Variants in NR3C1 observed in about 807,000 individuals in gnomAD.
The protein encoded by NR3C1 is glucocorticoid receptor.
Under a neutral mutation model 74.0 loss-of-function variants are expected in NR3C1, and 14 were observed. That is an observed-to-expected ratio of 0.19 (90% CI 0.12 to 0.30). NR3C1 has a LOEUF of 0.30. Among genes scored for constraint, NR3C1 ranks in the 10% least tolerant of loss-of-function variants. NR3C1 has a pLI of 1.00. For synonymous variants in NR3C1, 308 were observed against 332.5 expected, an observed-to-expected ratio of 0.93 and a Z score of 0.80; for missense variants, 695 against 909.8, an observed-to-expected ratio of 0.76 and a Z score of 3.04.
rs567178949 is a variant in NR3C1 at position 143,368,700 on chromosome 5, A to C, written c.1184+30956T>G. Among the ~76,000 whole-genome samples the C allele has an allele frequency of 2.6e-5, 4 of 152,318 alleles. No homozygotes were observed. The East Asian group carries it at 7.7e-4, about 29-fold the overall frequency. ...TGTTCAACATCGTTAGTCATTTGGGAGACACAAATAAAAAACACAATGAGA... is the reference window on the plus strand; with the variant it reads ...TGTTCAACATCGTTAGTCATTTGGGCGACACAAATAAAAAACACAATGAGA... On this transcript the variant is annotated intron_variant, in intron 2 of 8. Coordinates refer to ENST00000394464, the MANE Select transcript of NR3C1 (RefSeq NM_000176.3).
chr5:143,338,466 C>T (rs1323152166), intron 2 of NR3C1, among the ~76,000 whole-genome samples: 1 of 151,838 alleles, frequency 6.6e-6, no homozygotes, highest in Non-Finnish European at 1.5e-5. Context: ...TGAAGGCCTT[C>T]CAGTGGGATA....
At position 143,368,567 on chromosome 5, in the gene NR3C1, A is replaced by ACC. The variant is rs570459157; in HGVS notation, c.1184+31087_1184+31088dup. Among the ~76,000 whole-genome samples the ACC allele has an allele frequency of 1.4e-3, 206 of 150,162 alleles. 4 individuals are homozygous for ACC. The South Asian group carries it at 0.039, about 28-fold the overall frequency. On this transcript the variant is annotated intron_variant, in intron 2 of 8. Transcript: ENST00000394464. ...CACACACACACACACACACACACAC[A>ACC]CCGACAACTCAACAATAAAAAGACA...
At chr5:143,377,310 G>A (rs1835381859) in intron 2 of NR3C1, among the ~76,000 whole-genome samples, 1 of 152,160 alleles carries the variant, frequency 6.6e-6, no homozygotes, top group Admixed American at 6.5e-5. Flanking sequence ...TCAATATGAT[G>A]GCTTTTGCAA....
intron 7 of NR3C1, chr5:143,295,190 A>C: frequency 1.0e-6 from 1 of 985,370 alleles, no homozygotes; most frequent in South Asian, 4.7e-5. Context: ...CAAAGGAAGG[A>C]AGGAGAAAAA....
At chr5:143,343,253 C>T (rs530652530) in intron 2 of NR3C1, among the ~76,000 whole-genome samples, 2 of 152,324 alleles carry the variant, frequency 1.3e-5, no homozygotes, top group East Asian at 3.9e-4. Flanking sequence ...CTATCACCAA[C>T]TCACAGGGTG....
rs761028271 is a variant in NR3C1, at chr5:143,399,889, A to G, written c.951T>C (p.Ser317=). The change falls in exon 2 of 9, where the codon TCT becomes TCC. Residue 317 remains serine, a synonymous_variant. Transcript: ENST00000394464. ...PGANIIGNKM[S]AISVHGVSTS... ...TACTCACACCATGAACAGAAATGGC[A>G]GACATTTTATTACCAATTATATTTG... The G allele has an allele frequency of 6.2e-7, 1 of 1,614,062 alleles. No individual in the cohort carries two copies. Among genetic ancestry groups the G allele is most frequent in the African/African-American group, 1.3e-5 (1 of 74,920 alleles).
chr5:143,416,620 T>G lies in NR3C1; in HGVS notation c.-13-15768A>C, dbSNP rs541493251. ...CTCCTTCCTCTTCAGCCAGCTGGAG[T>G]TAGCTAACACTTGCATCAGAAAGGG... On this transcript the variant is annotated intron_variant, in intron 1 of 8. Coordinates refer to the NR3C1 transcript ENST00000343796. Among the ~76,000 whole-genome samples the G allele has an allele frequency of 3.3e-5, 5 of 152,180 alleles. No homozygotes were observed. In the East Asian group the frequency reaches 9.7e-4, roughly 29 times the overall value.
intron 2 of NR3C1, among the ~76,000 whole-genome samples, chr5:143,383,901 T>G (rs536765172): frequency 6.6e-6 from 1 of 152,226 alleles, no homozygotes; most frequent in Non-Finnish European, 1.5e-5. Flanking sequence ...CACATACCCC[T>G]GACTCAGGAA....
Position 143,298,796 on chromosome 5 carries a change from G to C in NR3C1, c.1764C>G (p.His588Gln). ...GCAGTAGGGTCATTTGGTCATCCAG[G>C]TGTAAGTTCCTGAAACCTGAATTAA... ...AKAIPGFRNL[H>Q]LDDQMTLLQY... Residue 588 changes from histidine (H) to glutamine (Q), a missense_variant, in exon 6 of 9, where the codon CAC becomes CAG. Transcript: ENST00000394464. 1.2e-6 allele frequency: 2 copies of C among 1,613,434 alleles called. No homozygotes were observed. Among genetic ancestry groups the C allele is most frequent in the Non-Finnish European group, 1.7e-6 (2 of 1,179,764 alleles).
At chr5:143,404,004 C>T, upstream of NR3C1, 1 of 985,252 alleles carries the variant, frequency 1.0e-6, no homozygotes, top group Non-Finnish European at 1.2e-6. Flanking sequence ...TCTGGGGCGG[C>T]GTTAAGAGGG....
intron 7 of NR3C1, among the ~76,000 whole-genome samples, chr5:143,289,598 A>C (rs1374001316): frequency 6.6e-6 from 1 of 152,200 alleles, no homozygotes; most frequent in Non-Finnish European, 1.5e-5. Context: ...GAAAACTGTA[A>C]ATGTAATCCA....
intron 2 of NR3C1, among the ~76,000 whole-genome samples, chr5:143,358,055 G>C (rs1427789048): frequency 6.6e-6 from 1 of 152,198 alleles, no homozygotes; most frequent in Non-Finnish European, 1.5e-5. Flanking sequence ...AAGATGCCTT[G>C]ATCGTTAAGT....
chr5:143,288,465 G>A (rs1031052657), intron 7 of NR3C1, among the ~76,000 whole-genome samples: 9 of 151,722 alleles, frequency 5.9e-5, no homozygotes, highest in Admixed American at 3.9e-4. Context: ...TGGATCTATA[G>A]ATTCAAGGCT....
chr5:143,425,089 A>C (rs1751462344), intron 1 of NR3C1, among the ~76,000 whole-genome samples: 1 of 152,200 alleles, frequency 6.6e-6, no homozygotes. Flanking sequence ...AGAAACCCAT[A>C]TGCCTACAGT....
chr5:143,391,762 A>T (rs768735869), intron 2 of NR3C1, among the ~76,000 whole-genome samples: 1 of 152,166 alleles, frequency 6.6e-6, no homozygotes, highest in African/African-American at 2.4e-5. Context: ...AGCAGTCTTT[A>T]TGAAACTGCG....
At chr5:143,404,599 C>CG, upstream of NR3C1, 1 of 881,202 alleles carries the variant, frequency 1.1e-6, no homozygotes, top group Non-Finnish European at 1.4e-6. Context: ...ACCCCCACCC[C>CG]TCCCGCCCAA....
chr5:143,422,875 A>G (rs972341642), intron 1 of NR3C1, among the ~76,000 whole-genome samples: 2 of 152,104 alleles, frequency 1.3e-5, no homozygotes, highest in Admixed American at 6.6e-5. Context: ...GCCTGGAATG[A>G]CTTTTGTCTT....
At chr5:143,405,788 G>A (rs147875174), upstream of NR3C1, among the ~76,000 whole-genome samples, 10 of 152,290 alleles carry the variant, frequency 6.6e-5, no homozygotes, top group Admixed American at 4.6e-4. Context: ...CCAGAAGGCA[G>A]ACTCCGCTTC....
rs918909577 is a variant in NR3C1, at chr5:143,349,695, T to A, written c.1185-35527A>T. On this transcript the variant is annotated intron_variant, in intron 2 of 8. Coordinates refer to ENST00000394464, the MANE Select transcript of NR3C1 (RefSeq NM_000176.3). The stretch of plus-strand genomic sequence containing the variant: ...GTTCTCTTTCTCATTTCTTCATACA[T>A]CTAACAAATATTTTGAGAGCTTATC... Among the ~76,000 whole-genome samples the A allele has an allele frequency of 4.6e-5, 7 of 152,274 alleles. No individual in the cohort carries two copies. In the East Asian group the frequency reaches 7.7e-4, roughly 17 times the overall value.
Sources: gnomAD v4.1 joint callset for allele counts (sites outside exome capture counted in the v4.1 genomes callset) on GRCh38, gnomAD v4.1.1 for gene constraint, MANE v1.5 for transcripts, NCBI Gene and HGNC (gene_info 2026-07-23, HGNC 2026-07-21) for gene names.